The following OSBPL9 variants were observed in gnomAD, a reference collection of about 807,000 sequenced individuals.
OSBPL9 encodes oxysterol-binding protein-related protein 9.
Under a neutral mutation model 106.6 loss-of-function variants are expected in OSBPL9, and 40 were observed. The ratio of observed to expected loss-of-function variants is 0.38; its 90% CI spans 0.29 to 0.49. The LOEUF (loss-of-function observed/expected upper bound fraction) is 0.49. Ranked by LOEUF, OSBPL9 falls within the 20% of genes least tolerant of loss-of-function variation. OSBPL9 has a pLI of 0.97. For synonymous variants in OSBPL9, 269 were observed against 295.4 expected (o/e 0.91, Z 0.92); for missense variants, 609 against 887.2 (o/e 0.69, Z 3.98).
At chr1:51,666,377 G>A (rs1286097506) in intron 2 of OSBPL9, among the ~76,000 whole-genome samples, 1 of 152,090 alleles carries the variant, frequency 6.6e-6, no homozygotes, top group Non-Finnish European at 1.5e-5. Context: ...GAGAAATAGA[G>A]CTTGAAGAAT....
chr1:51,727,222 T>C (rs1663288473), intron 4 of OSBPL9, among the ~76,000 whole-genome samples: 1 of 151,362 alleles, frequency 6.6e-6, no homozygotes, highest in Admixed American at 6.6e-5. Flanking sequence ...GGCACAACAT[T>C]AACTGCTATT....
chr1:51,724,127 G>A (rs145044578), intron 4 of OSBPL9, among the ~76,000 whole-genome samples: 155 of 151,886 alleles, frequency 1.0e-3, no homozygotes, highest in African/African-American at 3.5e-3. Flanking sequence ...TGTATTTTTA[G>A]TAGAGACAGG....
chr1:51,758,242 T>G (rs911558112), intron 9 of OSBPL9, among the ~76,000 whole-genome samples: 1 of 152,110 alleles, frequency 6.6e-6, no homozygotes, highest in African/African-American at 2.4e-5. Context: ...TCAGCCTCCA[T>G]TCTACAAAAT....
At chr1:51,561,607 T>A in the OSBPL9 span, 9 of 152,166 alleles carry the variant, frequency 5.9e-5, no homozygotes, top group South Asian at 1.9e-3. Flanking sequence ...ATATATTAAA[T>A]TTTTCCAAAA....
At chr1:51,543,564 T>C in the OSBPL9 span, among the ~76,000 whole-genome samples, 1 of 152,118 alleles carries the variant, frequency 6.6e-6, no homozygotes, top group Non-Finnish European at 1.5e-5. Context: ...CCCGGCTAAT[T>C]TTTTGTATCA....
chr1:51,633,743 T>C (rs1273258538), intron 1 of OSBPL9, among the ~76,000 whole-genome samples: 2 of 152,102 alleles, frequency 1.3e-5, no homozygotes, highest in South Asian at 2.1e-4. Context: ...TACTTAAGCC[T>C]TCAGAGTACC....
chr1:51,685,546 T>C (rs1192004469), intron 3 of OSBPL9, among the ~76,000 whole-genome samples: 1 of 152,178 alleles, frequency 6.6e-6, no homozygotes. Flanking sequence ...TAGCTGGGAT[T>C]ATAGGCGCGC....
intron 1 of OSBPL9, 67 bp from the exon 2 acceptor site, chr1:51,651,924 A>G (rs1646542439): frequency 3.1e-6 from 4 of 1,293,048 alleles, no homozygotes; most frequent in Admixed American, 1.9e-5. Context: ...TTATCCCCAG[A>G]TGATTCTAAA....
intron 22 of OSBPL9, 126 bp from the exon 23 acceptor site, chr1:51,787,227 A>C (rs1432382751): frequency 1.1e-6 from 1 of 877,552 alleles, no homozygotes; most frequent in Non-Finnish European, 1.8e-6. Flanking sequence ...CCCTGGTGCC[A>C]GCGTAAGGAG....
At chr1:51,531,893 G>C in the OSBPL9 span, among the ~76,000 whole-genome samples, 2 of 152,176 alleles carry the variant, frequency 1.3e-5, no homozygotes, top group African/African-American at 4.8e-5. Flanking sequence ...ACTAGTAAAG[G>C]AGACCAAAGA....
intron 2 of OSBPL9, among the ~76,000 whole-genome samples, chr1:51,661,208 C>G (rs1268453648): frequency 6.6e-6 from 1 of 152,114 alleles, no homozygotes; most frequent in Non-Finnish European, 1.5e-5. Flanking sequence ...CTTTTAGGAG[C>G]CTGTGAGCAA....
chr1:51,633,071 C>T (rs1053979088), intron 1 of OSBPL9, among the ~76,000 whole-genome samples: 2 of 152,036 alleles, frequency 1.3e-5, no homozygotes, highest in Non-Finnish European at 2.9e-5. Flanking sequence ...ATTCTCCTGC[C>T]TCAGCCTCCC....
At chr1:51,781,449 A>T in intron 16 of OSBPL9, 114 bp downstream of exon 16, 1 of 1,083,708 alleles carries the variant, frequency 9.2e-7, no homozygotes, top group Non-Finnish European at 1.3e-6. Flanking sequence ...CACCACCCAT[A>T]GAAGAAATTG....
chr1:51,774,586 C>CCTCACT (rs1168700481), intron 14 of OSBPL9, among the ~76,000 whole-genome samples: 1 of 152,180 alleles, frequency 6.6e-6, no homozygotes, highest in Non-Finnish European at 1.5e-5. Flanking sequence ...TCCCATTTAA[C>CCTCACT]CTCACTCAGT....
chr1:51,766,180 G>A (rs915042437), intron 12 of OSBPL9, among the ~76,000 whole-genome samples, 199 bp downstream of exon 12: 3 of 152,116 alleles, frequency 2.0e-5, no homozygotes, highest in African/African-American at 7.2e-5. Flanking sequence ...TTGGCTTATT[G>A]AGCAAAGCCA....
chr1:51,537,541 T>G, the OSBPL9 span, among the ~76,000 whole-genome samples: 1 of 152,108 alleles, frequency 6.6e-6, no homozygotes, highest in Non-Finnish European at 1.5e-5. Flanking sequence ...AGTAACCTAA[T>G]TTTGTTTAAT....
At chr1:51,545,459 G>A in the OSBPL9 span, among the ~76,000 whole-genome samples, 3 of 152,128 alleles carry the variant, frequency 2.0e-5, no homozygotes, top group African/African-American at 7.2e-5. Context: ...TGTAGTCCCA[G>A]CTACAGTCCC....
chr1:51,700,671 A>T (rs572602330), intron 3 of OSBPL9, among the ~76,000 whole-genome samples: 3 of 152,204 alleles, frequency 2.0e-5, no homozygotes, highest in African/African-American at 7.2e-5. Flanking sequence ...TAGGATGTCA[A>T]TTAATCTTAT....
At chr1:51,668,134 G>A (rs1357907923) in intron 2 of OSBPL9, among the ~76,000 whole-genome samples, 1 of 152,072 alleles carries the variant, frequency 6.6e-6, no homozygotes, top group Non-Finnish European at 1.5e-5. Flanking sequence ...CAAGGTCTCT[G>A]GTTTTATCAA....
Sources: allele counts gnomAD v4.1 joint callset (sites outside exome capture counted in the v4.1 genomes callset), GRCh38; gene constraint gnomAD v4.1.1; transcripts MANE v1.5; gene names NCBI Gene and HGNC (gene_info 2026-07-23, HGNC 2026-07-21).